The following CNTNAP5 variants were observed in gnomAD, a reference collection of about 807,000 sequenced individuals.
The protein encoded by CNTNAP5 is contactin-associated protein-like 5.
Under a neutral mutation model 150.2 loss-of-function variants are expected in CNTNAP5, and 72 were observed. The observed-to-expected ratio is 0.48, with a 90% CI of 0.40 to 0.58. The LOEUF (loss-of-function observed/expected upper bound fraction) is 0.58. Among genes scored for constraint, CNTNAP5 ranks in the 20% least tolerant of loss-of-function variants. The probability of loss-of-function intolerance (pLI) is 0.00; values close to 1 mark genes in which losing one functional copy is unlikely to be tolerated. For missense variants in CNTNAP5, 1,636 were observed against 1,626.2 expected (o/e 1.01, Z -0.10); for synonymous variants, 672 against 619.8 (o/e 1.08, Z -1.25).
chr2:124,865,091 A>ACT (rs1285008985), intron 19 of CNTNAP5, among the ~76,000 whole-genome samples: 86 of 146,126 alleles, frequency 5.9e-4, no homozygotes, highest in South Asian at 6.5e-4. Context: ...ACACACACAC[A>ACT]CTCTCTCTCT....
chr2:124,555,536 C>A (rs1695733280), intron 10 of CNTNAP5, among the ~76,000 whole-genome samples: 1 of 152,174 alleles, frequency 6.6e-6, no homozygotes, highest in African/African-American at 2.4e-5. Flanking sequence ...TTACATTTTT[C>A]TGTACTTGTG....
chr2:124,520,158 C>G (rs1694819522), intron 8 of CNTNAP5, among the ~76,000 whole-genome samples: 1 of 152,096 alleles, frequency 6.6e-6, no homozygotes, highest in African/African-American at 2.4e-5. Context: ...TAGAGCTTTT[C>G]TCTTATCAAG....
intron 13 of CNTNAP5, among the ~76,000 whole-genome samples, chr2:124,674,952 G>A (rs1225551500): frequency 6.6e-6 from 1 of 151,926 alleles, no homozygotes; most frequent in Non-Finnish European, 1.5e-5. Context: ...TATGCATTCT[G>A]TTGCTATTTG....
At chr2:124,655,937 GAGAGAGAGAGAA>G (rs1327761742) in intron 13 of CNTNAP5, among the ~76,000 whole-genome samples, 663 of 52,302 alleles carry the variant, frequency 0.013, 3 homozygotes, top group African/African-American at 0.04. Flanking sequence ...GAGAGAGAGA[GAGAGAGAGAGAA>G]AGAAAGAAAG....
At chr2:124,304,151 G>A (rs1037949731) in intron 3 of CNTNAP5, among the ~76,000 whole-genome samples, 5 of 152,120 alleles carry the variant, frequency 3.3e-5, no homozygotes, top group Non-Finnish European at 5.9e-5. Flanking sequence ...GTATACTTTA[G>A]CAACTTTATA....
chr2:124,466,396 T>G (rs1339624053), intron 6 of CNTNAP5, among the ~76,000 whole-genome samples: 1 of 152,152 alleles, frequency 6.6e-6, no homozygotes, highest in Non-Finnish European at 1.5e-5. Context: ...TTGCATTGTT[T>G]CTATCATACT....
intron 11 of CNTNAP5, among the ~76,000 whole-genome samples, chr2:124,591,366 G>A (rs986087719): frequency 7.2e-5 from 11 of 152,110 alleles, no homozygotes; most frequent in African/African-American, 2.7e-4. Flanking sequence ...TCTGTCTTGA[G>A]CTTTACTAGG....
At chr2:124,864,386 G>A (rs866782492) in intron 19 of CNTNAP5, among the ~76,000 whole-genome samples, 3 of 152,024 alleles carry the variant, frequency 2.0e-5, no homozygotes, top group African/African-American at 7.2e-5. Flanking sequence ...CTAGCTACCT[G>A]AAACAACATA....
At chr2:124,115,429 G>A (rs1201710411) in intron 1 of CNTNAP5, among the ~76,000 whole-genome samples, 2 of 152,036 alleles carry the variant, frequency 1.3e-5, no homozygotes, top group East Asian at 1.9e-4. Flanking sequence ...ACCAAGTAAG[G>A]GCTAGCCAGG....
At chr2:124,583,089 A>T (rs1278651271) in intron 11 of CNTNAP5, among the ~76,000 whole-genome samples, 2 of 152,140 alleles carry the variant, frequency 1.3e-5, no homozygotes, top group Non-Finnish European at 2.9e-5. Flanking sequence ...AGTTCCATAG[A>T]TTAGATAGTA....
intron 3 of CNTNAP5, among the ~76,000 whole-genome samples, chr2:124,404,351 C>CA (rs1691513710): frequency 6.6e-6 from 1 of 152,202 alleles, no homozygotes; most frequent in Non-Finnish European, 1.5e-5. Flanking sequence ...CAGTCAAAGT[C>CA]AACAGTGTAG....
At chr2:124,609,682 G>A (rs1200090003) in intron 11 of CNTNAP5, 119 bp from the exon 12 acceptor site, 1 of 1,110,554 alleles carries the variant, frequency 9.0e-7, no homozygotes, top group African/African-American at 1.6e-5. Context: ...AAAAAGTCAA[G>A]GATATAGAAG....
At chr2:124,849,631 G>T (rs1417591937) in intron 19 of CNTNAP5, among the ~76,000 whole-genome samples, 1 of 152,100 alleles carries the variant, frequency 6.6e-6, no homozygotes. Flanking sequence ...GGGTGGTATG[G>T]ACATTTTAAC....
At chr2:124,461,469 T>G (rs1693249648) in intron 6 of CNTNAP5, among the ~76,000 whole-genome samples, 1 of 134,440 alleles carries the variant, frequency 7.4e-6, no homozygotes, top group Non-Finnish European at 1.5e-5. Context: ...TAGGTGGGAA[T>G]TGAACAATGA....
At chr2:124,660,067 G>C (rs991003702) in intron 13 of CNTNAP5, among the ~76,000 whole-genome samples, 2 of 151,284 alleles carry the variant, frequency 1.3e-5, no homozygotes, top group Non-Finnish European at 3.0e-5. Flanking sequence ...AGGAAGGAAG[G>C]AAGGAAGGAA....
At chr2:124,038,974 G>C (rs919353679) in intron 1 of CNTNAP5, among the ~76,000 whole-genome samples, 5 of 152,096 alleles carry the variant, frequency 3.3e-5, no homozygotes, top group Non-Finnish European at 7.3e-5. Context: ...GTCCAGGCTG[G>C]GAAATACTTC....
chr2:124,265,704 G>T (rs1164965555), intron 3 of CNTNAP5, among the ~76,000 whole-genome samples: 1 of 152,048 alleles, frequency 6.6e-6, no homozygotes, highest in Non-Finnish European at 1.5e-5. Context: ...GAAATTGGAG[G>T]TGCACACTCT....
chr2:124,622,677 G>A (rs116311601), intron 12 of CNTNAP5, among the ~76,000 whole-genome samples: 169 of 151,886 alleles, frequency 1.1e-3, no homozygotes, highest in Non-Finnish European at 1.9e-3. Context: ...GGTGTGACAC[G>A]ATATCTCATT....
chr2:124,744,210 G>A (rs940832771), intron 13 of CNTNAP5, among the ~76,000 whole-genome samples: 13 of 152,106 alleles, frequency 8.5e-5, no homozygotes, highest in African/African-American at 1.9e-4. Context: ...TTCTGTTCTC[G>A]TGGTAGTGAA....
Sources: allele counts gnomAD v4.1 joint callset (sites outside exome capture counted in the v4.1 genomes callset), GRCh38; gene constraint gnomAD v4.1.1; transcripts MANE v1.5; gene names NCBI Gene and HGNC (gene_info 2026-07-23, HGNC 2026-07-21).